DOCK1: variants seen among roughly 807,000 people sequenced by gnomAD.
DOCK1 encodes the protein dedicator of cytokinesis 1.
A neutral mutation model predicts 262.7 loss-of-function variants in DOCK1; 138 were observed. The observed-to-expected ratio is 0.53, with a 90% CI of 0.46 to 0.61. DOCK1 has a LOEUF of 0.61. Among genes scored for constraint, DOCK1 ranks in the 20% least tolerant of loss-of-function variants. The pLI is 0.00. For missense variants in DOCK1, 1,908 were observed against 2,370.7 expected, an observed-to-expected ratio of 0.80 and a Z score of 4.05; for synonymous variants, 866 against 867.4, an observed-to-expected ratio of 1.00 and a Z score of 0.03.
At chr10:127,006,511 T>C (rs1186329379) in intron 10 of DOCK1, among the ~76,000 whole-genome samples, 3 of 152,172 alleles carry the variant, frequency 2.0e-5, no homozygotes, top group Non-Finnish European at 4.4e-5. Flanking sequence ...TTTCCTCCTT[T>C]GGTGTCAGGG....
intron 29 of DOCK1, among the ~76,000 whole-genome samples, chr10:127,272,456 G>A (rs529942868): frequency 1.3e-5 from 2 of 152,276 alleles, no homozygotes; most frequent in South Asian, 4.1e-4. Flanking sequence ...GCTAATGTTT[G>A]TAAATATAAA....
At chr10:127,101,462 A>G (rs2048242515) in intron 23 of DOCK1, among the ~76,000 whole-genome samples, 1 of 152,194 alleles carries the variant, frequency 6.6e-6, no homozygotes, top group Non-Finnish European at 1.5e-5. Context: ...AACCTCATTT[A>G]CCGAAAGACA....
intron 27 of DOCK1, among the ~76,000 whole-genome samples, chr10:127,159,846 A>T (rs1171386570): frequency 3.3e-5 from 5 of 152,180 alleles, no homozygotes; most frequent in Non-Finnish European, 5.9e-5. Context: ...GAGCCGCACC[A>T]TGGCCACGTC....
At chr10:127,107,837 A>G (rs1255042174) in intron 24 of DOCK1, among the ~76,000 whole-genome samples, 54 of 152,360 alleles carry the variant, frequency 3.5e-4, no homozygotes, top group Non-Finnish European at 1.5e-4. Context: ...GGCTGTGGCC[A>G]TACTCTAGGC....
intron 38 of DOCK1, among the ~76,000 whole-genome samples, chr10:127,392,739 A>C: frequency 1.3e-5 from 2 of 151,316 alleles, no homozygotes; most frequent in Non-Finnish European, 1.5e-5. Flanking sequence ...CATGCCTCCC[A>C]CCTCCCCACC....
intron 16 of DOCK1, among the ~76,000 whole-genome samples, chr10:127,028,328 T>C (rs1388980537): frequency 6.6e-6 from 1 of 152,178 alleles, no homozygotes; most frequent in Non-Finnish European, 1.5e-5. Context: ...GCCGAAGCTG[T>C]AGGATAATAA....
chr10:127,429,148 A>AG (rs1303869054), intron 47 of DOCK1, among the ~76,000 whole-genome samples: 10 of 151,948 alleles, frequency 6.6e-5, no homozygotes, highest in African/African-American at 2.2e-4. Context: ...GCACATTGTG[A>AG]GGCAGCACCG....
intron 23 of DOCK1, among the ~76,000 whole-genome samples, chr10:127,078,647 C>T (rs982224802): frequency 6.6e-6 from 1 of 152,168 alleles, no homozygotes; most frequent in Non-Finnish European, 1.5e-5. Flanking sequence ...CTTGTACATG[C>T]ATGTTTACAG....
At chr10:127,403,868 C>G (rs1342610118) in intron 39 of DOCK1, among the ~76,000 whole-genome samples, 3 of 152,188 alleles carry the variant, frequency 2.0e-5, no homozygotes, top group Non-Finnish European at 2.9e-5. Context: ...ACCTCCTCCA[C>G]CTTGTCATTT....
At chr10:127,261,750 TCTG>T (rs1167881439) in intron 29 of DOCK1, among the ~76,000 whole-genome samples, 2 of 136,212 alleles carry the variant, frequency 1.5e-5, no homozygotes, top group African/African-American at 5.8e-5. Context: ...CCCGTGCTCA[TCTG>T]TGTGTGTGCA....
intron 4 of DOCK1, among the ~76,000 whole-genome samples, chr10:126,982,617 C>G (rs945809498): frequency 6.6e-6 from 1 of 152,190 alleles, no homozygotes; most frequent in Non-Finnish European, 1.5e-5. Context: ...AATTACTAAT[C>G]ATATGATTAC....
chr10:127,451,167 C>T (rs1241718242), intron 51 of DOCK1, among the ~76,000 whole-genome samples, 165 bp from the exon 52 acceptor site: 1 of 152,124 alleles, frequency 6.6e-6, no homozygotes, highest in East Asian at 1.9e-4. Flanking sequence ...CAGTCTTGAG[C>T]CTAGTAGACC....
At chr10:127,092,821 A>G (rs569737613) in intron 23 of DOCK1, among the ~76,000 whole-genome samples, 2 of 152,334 alleles carry the variant, frequency 1.3e-5, no homozygotes, top group East Asian at 1.9e-4. Context: ...GGTATTGGTC[A>G]GAAACAGAAT....
rs2135407831 is a variant in DOCK1, at chr10:127,018,795, T to C, written c.1287T>C (p.Ala429=). The C allele has an allele frequency of 6.2e-7, 1 of 1,613,966 alleles. No homozygotes were observed. Among genetic ancestry groups the C allele is most frequent in the Non-Finnish European group, 8.5e-7 (1 of 1,179,890 alleles). Reference sequence around the variant, plus strand: ...CGCATTTAGTGGACAGGACCACAGCTGTGGCTCGAAAAACAGGGTTTCCGG... The same window carrying C: ...CGCATTTAGTGGACAGGACCACAGCCGTGGCTCGAAAAACAGGGTTTCCGG... ...EFPHLVDRTT[A]VARKTGFPEI... Residue 429 remains alanine, a synonymous_variant, in exon 13 of 52, where the codon GCT becomes GCC. Transcript: ENST00000623213.
rs527281314 is a variant in DOCK1, at chr10:127,165,922, T to C, written c.2847+38158T>C. 7.2e-5 allele frequency among the ~76,000 whole-genome samples: 11 copies of C among 152,322 alleles called. No individual in the cohort carries two copies. In the South Asian group the frequency reaches 2.3e-3, roughly 32 times the overall value. The stretch of plus-strand genomic sequence containing the variant: ...TCTGCTGTCTCTAGCACCGGAAAGA[T>C]GCTTTCTCCAGAAGATGAATTGGCA... On this transcript the variant is annotated intron_variant, in intron 27 of 51. Transcript: ENST00000623213.
At chr10:127,089,985 T>C (rs1257639019) in intron 23 of DOCK1, among the ~76,000 whole-genome samples, 1 of 152,212 alleles carries the variant, frequency 6.6e-6, no homozygotes, top group East Asian at 1.9e-4. Context: ...ATGTAAAATG[T>C]TTGTTGAGAC....
chr10:127,118,731 C>T (rs1431717701), intron 25 of DOCK1, among the ~76,000 whole-genome samples: 1 of 152,322 alleles, frequency 6.6e-6, no homozygotes, highest in Non-Finnish European at 1.5e-5. Flanking sequence ...GCCCTCTGCC[C>T]AGTGGCCCTG....
At chr10:127,392,446 A>G (rs1237795044) in intron 38 of DOCK1, among the ~76,000 whole-genome samples, 1 of 152,004 alleles carries the variant, frequency 6.6e-6, no homozygotes, top group East Asian at 1.9e-4. Context: ...ATTTTTTTAA[A>G]TAGCTTTTTA....
intron 23 of DOCK1, among the ~76,000 whole-genome samples, chr10:127,081,721 T>G (rs1030030910): frequency 6.6e-6 from 1 of 152,182 alleles, no homozygotes; most frequent in African/African-American, 2.4e-5. Context: ...GTCTCTTTAT[T>G]TCTTCTGTCT....
Sources: gnomAD v4.1 joint callset for allele counts (sites outside exome capture counted in the v4.1 genomes callset) on GRCh38, gnomAD v4.1.1 for gene constraint, MANE v1.5 for transcripts, NCBI Gene and HGNC (gene_info 2026-07-23, HGNC 2026-07-21) for gene names.